PTBP3: variants seen among roughly 807,000 people sequenced by gnomAD.
PTBP3 encodes polypyrimidine tract-binding protein 3.
PTBP3 carries 20 observed loss-of-function variants against 58.7 expected under a neutral mutation model. The observed-to-expected ratio is 0.34, with a 90% confidence interval of 0.24 to 0.50. PTBP3 has a LOEUF of 0.50. Among genes scored for constraint, PTBP3 ranks in the 20% least tolerant of loss-of-function variants. The probability of loss-of-function intolerance (pLI) is 0.98; values close to 1 mark genes in which losing one functional copy is unlikely to be tolerated. For missense variants in PTBP3, 509 were observed against 637.2 expected, an observed-to-expected ratio of 0.80 and a Z score of 2.17; for synonymous variants, 185 against 219.8, an observed-to-expected ratio of 0.84 and a Z score of 1.40.
At chr9:112,353,484 G>A in the PTBP3 span, among the ~76,000 whole-genome samples, 1 of 150,810 alleles carries the variant, frequency 6.6e-6, no homozygotes, top group African/African-American at 2.4e-5. Flanking sequence ...GACCTCAGGT[G>A]ATCCACCCAC....
At chr9:112,356,456 G>GC in the PTBP3 span, among the ~76,000 whole-genome samples, 1 of 152,030 alleles carries the variant, frequency 6.6e-6, no homozygotes, top group African/African-American at 2.4e-5. Context: ...TAGTGGGTAA[G>GC]CCACTAGCAG....
At position 112,260,962 on chromosome 9, in the gene PTBP3, G is replaced by C. The variant is rs74974039; in HGVS notation, c.516+1473C>G. Reference sequence around the variant, plus strand: ...GATGATAAATGAAATTATAAGACAGGACCACATGACTGTAGCTAAACTTGC... The same window carrying C: ...GATGATAAATGAAATTATAAGACAGCACCACATGACTGTAGCTAAACTTGC... On this transcript the variant is annotated intron_variant, in intron 5 of 13. Transcript: ENST00000374257. Among the ~76,000 whole-genome samples the C allele has an allele frequency of 5.1e-4, 77 of 152,290 alleles. No individual in the cohort carries two copies. In the East Asian group the frequency reaches 0.013, roughly 25 times the overall value.
At chr9:112,228,354 T>C (rs749210714) in intron 11 of PTBP3, 26 bp downstream of exon 11, 42 of 1,491,454 alleles carry the variant, frequency 2.8e-5, no homozygotes, top group Non-Finnish European at 3.8e-5. Context: ...TTCACATTAT[T>C]ATTAATAATT....
intron 1 of PTBP3, among the ~76,000 whole-genome samples, chr9:112,317,784 T>C (rs1327034094): frequency 6.6e-6 from 1 of 151,980 alleles, no homozygotes; most frequent in Non-Finnish European, 1.5e-5. Flanking sequence ...TTGTCTCTAC[T>C]AAAAATACAA....
At chr9:112,315,326 T>C (rs1273939870) in intron 1 of PTBP3, among the ~76,000 whole-genome samples, 2 of 150,436 alleles carry the variant, frequency 1.3e-5, no homozygotes, top group African/African-American at 4.9e-5. Flanking sequence ...AACAAAAAGA[T>C]ATCTGGAAAA....
chr9:112,314,392 G>A (rs929205230), intron 1 of PTBP3, among the ~76,000 whole-genome samples: 8 of 152,280 alleles, frequency 5.3e-5, no homozygotes, highest in Admixed American at 2.0e-4. Context: ...TTCAAAACAC[G>A]TAAAGCAAAA....
the PTBP3 span, among the ~76,000 whole-genome samples, chr9:112,359,607 G>A: frequency 4.0e-5 from 6 of 151,768 alleles, no homozygotes; most frequent in East Asian, 1.9e-4. Context: ...AGTTCAAGAC[G>A]AGCCTGGCCA....
At chr9:112,280,637 G>A (rs1404352166) in intron 2 of PTBP3, among the ~76,000 whole-genome samples, 1 of 152,126 alleles carries the variant, frequency 6.6e-6, no homozygotes, top group Non-Finnish European at 1.5e-5. Context: ...CTCTTAAGGT[G>A]AGCAGATTTT....
At chr9:112,250,876 G>C (rs1254668804) in intron 7 of PTBP3, 53 bp downstream of exon 7, 1 of 1,427,594 alleles carries the variant, frequency 7.0e-7, no homozygotes, top group African/African-American at 1.5e-5. Flanking sequence ...CTTAATAAAT[G>C]AAACTTGTAA....
rs540785302 is a variant in PTBP3 at position 112,262,982 on chromosome 9, A to G, written c.352-383T>C. Among the ~76,000 whole-genome samples, 152 of 152,288 alleles carry G rather than the reference A, an allele frequency of 1.0e-3. 1 individual carries two copies. The highest frequency in any genetic ancestry group is 3.6e-3 in the African/African-American group (150 of 41,550). ...GGGTAGTCAAGACAAACTTCTAAAT[A>G]TTCTCCACTAAAAGAGACCAAGGCA... On this transcript the variant is annotated intron_variant, in intron 4 of 13. Transcript: ENST00000374257.
intron 2 of PTBP3, chr9:112,281,350 C>G (rs1827856463): frequency 6.5e-6 from 1 of 152,864 alleles, no homozygotes; most frequent in Non-Finnish European, 1.5e-5. Context: ...GGTTTTCGTT[C>G]TACTCTTTTC....
chr9:112,250,494 A>G (rs1043032458), intron 7 of PTBP3, among the ~76,000 whole-genome samples: 1 of 149,938 alleles, frequency 6.7e-6, no homozygotes, highest in Non-Finnish European at 1.5e-5. Context: ...ACAAAACAAA[A>G]TAAATCCTCT....
At chr9:112,296,510 G>C (rs1828695705) in intron 2 of PTBP3, among the ~76,000 whole-genome samples, 1 of 151,816 alleles carries the variant, frequency 6.6e-6, no homozygotes, top group Admixed American at 6.6e-5. Context: ...ATAAGCTCCT[G>C]GTCTGGAAAA....
intron 9 of PTBP3, 105 bp downstream of exon 9, chr9:112,231,992 AAG>A (rs1412829645): frequency 3.6e-6 from 2 of 555,944 alleles, no homozygotes; most frequent in African/African-American, 1.1e-4. Flanking sequence ...AAGAGAAGAG[AAG>A]AGAAGAGAAG....
At chr9:112,322,476 C>T (rs1010868739) in intron 1 of PTBP3, among the ~76,000 whole-genome samples, 2 of 152,124 alleles carry the variant, frequency 1.3e-5, no homozygotes, top group African/African-American at 2.4e-5. Context: ...CATCTCAGGA[C>T]TCTAGTATAG....
chr9:112,297,296 CA>C (rs900695428), intron 2 of PTBP3, among the ~76,000 whole-genome samples: 3 of 152,158 alleles, frequency 2.0e-5, no homozygotes, highest in Non-Finnish European at 4.4e-5. Context: ...CTCCGCTTCC[CA>C]GGTTCAAGCA....
chr9:112,304,941 T>C (rs367759944), intron 1 of PTBP3, among the ~76,000 whole-genome samples: 26 of 152,332 alleles, frequency 1.7e-4, no homozygotes, highest in Middle Eastern at 3.4e-3. Context: ...TAGCATTTTT[T>C]CAGGATAAAT....
At chr9:112,353,565 T>A in the PTBP3 span, among the ~76,000 whole-genome samples, 2 of 152,028 alleles carry the variant, frequency 1.3e-5, no homozygotes, top group African/African-American at 4.8e-5. Flanking sequence ...TTTTTTCCCC[T>A]CTTTTCCACT....
chr9:112,275,364 A>C (rs975547066), intron 3 of PTBP3, among the ~76,000 whole-genome samples: 2 of 152,014 alleles, frequency 1.3e-5, no homozygotes, highest in Non-Finnish European at 2.9e-5. Flanking sequence ...CGAACTCCTG[A>C]CCTCAGGTGA....
Sources: gnomAD v4.1 joint callset for allele counts (sites outside exome capture counted in the v4.1 genomes callset) on GRCh38, gnomAD v4.1.1 for gene constraint, MANE v1.5 for transcripts, NCBI Gene and HGNC (gene_info 2026-07-23, HGNC 2026-07-21) for gene names.